GABRG1: variants seen among roughly 807,000 people sequenced by gnomAD.
GABRG1 encodes the protein gamma-aminobutyric acid type A receptor subunit gamma1.
In GABRG1, 49 loss-of-function variants were observed where a neutral mutation model predicts 49.8. That is an observed-to-expected ratio of 0.98 (90% confidence interval 0.78 to 1.25). The LOEUF is 1.25. GABRG1 is among the 50% of genes most tolerant of loss of function. The pLI is 0.00. For synonymous variants in GABRG1, 232 were observed against 185.1 expected, an observed-to-expected ratio of 1.25 and a Z score of -2.06; for missense variants, 552 against 552.3, an observed-to-expected ratio of 1.00 and a Z score of 0.01.
chr4:46,114,481 C>CTTAA (rs1223607075), intron 1 of GABRG1, among the ~76,000 whole-genome samples: 1 of 150,800 alleles, frequency 6.6e-6, no homozygotes, highest in African/African-American at 2.4e-5. Flanking sequence ...CATACTGTAT[C>CTTAA]TTAATTAATT....
chr4:46,045,625 G>A (rs1342021941), intron 8 of GABRG1, among the ~76,000 whole-genome samples: 2 of 151,734 alleles, frequency 1.3e-5, no homozygotes, highest in African/African-American at 4.8e-5. Context: ...AGTTTTATCT[G>A]CAAAGAATGA....
intron 1 of GABRG1, among the ~76,000 whole-genome samples, chr4:46,116,782 AAT>A (rs1720907560): frequency 6.6e-6 from 1 of 150,854 alleles, no homozygotes; most frequent in Non-Finnish European, 1.5e-5. Context: ...TCCAGAGACA[AAT>A]ATACATTCAT....
chr4:46,062,843 CA>C (rs1718755334), intron 5 of GABRG1, among the ~76,000 whole-genome samples: 1 of 152,008 alleles, frequency 6.6e-6, no homozygotes, highest in Admixed American at 6.6e-5. Context: ...AATCAATGTA[CA>C]AAAATCACAA....
rs561832169 is a variant in GABRG1, at chr4:46,051,865, C to T, written c.917-227G>A. ...AATTACTGCGGAGTGCAAGTTGACT[C>T]CTGATATCCATTCTTCCCTTCCTCC... is the stretch of plus-strand genomic sequence containing the variant. On this transcript the variant is annotated intron_variant, in intron 7 of 8. Transcript: ENST00000295452. Among the ~76,000 whole-genome samples the T allele has an allele frequency of 2.0e-5, 3 of 151,870 alleles. No homozygotes were observed. The South Asian group carries it at 6.2e-4, about 32-fold the overall frequency.
rs138533836 is a variant in GABRG1 at position 46,121,821 on chromosome 4, C to G, written c.104+1989G>C. On this transcript the variant is annotated intron_variant, in intron 1 of 8. Transcript: ENST00000295452. ...ATATTTATTCACTGGACAAAATAAT[C>G]CAGGTTATCTACATTACTATGACAA... Among the ~76,000 whole-genome samples, 1,164 of 152,064 alleles carry G rather than the reference C, an allele frequency of 7.7e-3. 6 individuals are homozygous for G. The highest frequency in any genetic ancestry group is 0.031 in the Middle Eastern group (9 of 294).
intron 5 of GABRG1, among the ~76,000 whole-genome samples, chr4:46,061,427 CA>C (rs1413350647): frequency 2.0e-5 from 3 of 151,996 alleles, no homozygotes; most frequent in Non-Finnish European, 4.4e-5. Context: ...TACACTCTAC[CA>C]AATTCTAGAA....
In GABRG1 at chr4:46,059,807, G is replaced by A. The variant is rs74894656; in HGVS notation, c.626-1185C>T. Among the ~76,000 whole-genome samples the A allele has an allele frequency of 6.4e-3, 970 of 152,018 alleles. 14 individuals are homozygous for A. Among genetic ancestry groups the A allele is most frequent in the African/African-American group, 0.022 (904 of 41,458 alleles). On this transcript the variant is annotated intron_variant, in intron 5 of 8. Coordinates refer to ENST00000295452, the MANE Select transcript of GABRG1 (RefSeq NM_173536.4). ...AATGCAGTCTTCTTCATTTTTACTC[G>A]TCCATGAAGTGTATTTTATTTCACA...
rs575863813 is a variant in GABRG1 at position 46,115,276 on chromosome 4, T to G, written c.104+8534A>C. On this transcript the variant is annotated intron_variant, in intron 1 of 8. Transcript: ENST00000295452. ...TAAGCTTTCAAAATAAGATCCCAAA[T>G]ATATAGATGTATCCCAAAAATACAA... Among the ~76,000 whole-genome samples, 5 of 150,642 alleles carry G rather than the reference T, an allele frequency of 3.3e-5. No homozygotes were observed. In the South Asian group the frequency reaches 1.0e-3, roughly 31 times the overall value.
In GABRG1 at chr4:46,100,390, G is replaced by A. The variant is rs1273190081; in HGVS notation, c.105-3041C>T. ...AATGGAGACTAGGCTTAATACCTGG[G>A]AGATGAAATAAGCTGTAAAACAAGC... On this transcript the variant is annotated intron_variant, in intron 1 of 8. Transcript: ENST00000295452. Among the ~76,000 whole-genome samples the A allele has an allele frequency of 2.0e-5, 3 of 151,316 alleles. No homozygotes were observed. In the East Asian group the frequency reaches 5.9e-4, roughly 30 times the overall value.
chr4:46,114,840 A>G (rs890213989), intron 1 of GABRG1, among the ~76,000 whole-genome samples: 2 of 151,032 alleles, frequency 1.3e-5, no homozygotes, highest in African/African-American at 4.8e-5. Context: ...AAAAATAAAA[A>G]CAGAAGAAAA....
At chr4:46,077,575 T>C (rs1053901370) in intron 3 of GABRG1, among the ~76,000 whole-genome samples, 4 of 151,990 alleles carry the variant, frequency 2.6e-5, no homozygotes, top group Admixed American at 6.6e-5. Flanking sequence ...AAAATAGCAT[T>C]AGGATCACCA....
At chr4:46,087,602 C>T (rs55997646) in intron 2 of GABRG1, among the ~76,000 whole-genome samples, 9 of 151,650 alleles carry the variant, frequency 5.9e-5, no homozygotes, top group Admixed American at 2.6e-4. Context: ...AATAAAATAT[C>T]GATCTAGTTA....
At chr4:46,093,146 T>G (rs528113385) in intron 2 of GABRG1, among the ~76,000 whole-genome samples, 1 of 151,548 alleles carries the variant, frequency 6.6e-6, no homozygotes, top group East Asian at 1.9e-4. Context: ...AAATTAAATG[T>G]TATAGCAAAA....
At chr4:46,077,161 G>A (rs1270474901) in intron 3 of GABRG1, among the ~76,000 whole-genome samples, 1 of 139,648 alleles carries the variant, frequency 7.2e-6, no homozygotes, top group African/African-American at 2.6e-5. Context: ...GGGGTAGGGG[G>A]AGGGGGGAGG....
intron 1 of GABRG1, among the ~76,000 whole-genome samples, chr4:46,109,265 G>A (rs2109439493): frequency 6.6e-6 from 1 of 150,872 alleles, no homozygotes; most frequent in Middle Eastern, 3.4e-3. Context: ...TGTGTTTCCA[G>A]GAATTTATGC....
intron 1 of GABRG1, among the ~76,000 whole-genome samples, chr4:46,098,510 T>C (rs1044025402): frequency 6.6e-6 from 1 of 151,774 alleles, no homozygotes; most frequent in Non-Finnish European, 1.5e-5. Flanking sequence ...TCAGACCTCT[T>C]TTGCTTTGAA....
intron 3 of GABRG1, among the ~76,000 whole-genome samples, chr4:46,079,015 A>C (rs1719462990): frequency 6.6e-6 from 1 of 151,906 alleles, no homozygotes; most frequent in Non-Finnish European, 1.5e-5. Flanking sequence ...TACATTCTAT[A>C]ATAAATAATG....
chr4:46,037,207 C>T lies in GABRG1; in HGVS notation c.*3781G>A, dbSNP rs1342456743. Reference sequence around the variant, plus strand: ...TGTATTTAGAACAGTACTTTGTACACAGAAAGTGCTGCATATATATTTGAA... The same window carrying T: ...TGTATTTAGAACAGTACTTTGTACATAGAAAGTGCTGCATATATATTTGAA... On this transcript the variant is annotated 3_prime_UTR_variant, in exon 9 of 9. Coordinates refer to ENST00000295452, the MANE Select transcript of GABRG1 (RefSeq NM_173536.4). 6.6e-6 allele frequency: 1 copy of T among 151,760 alleles called. No individual in the cohort carries two copies. Among genetic ancestry groups the T allele is most frequent in the Non-Finnish European group, 1.5e-5 (1 of 67,844 alleles). 9.4% of individuals were successfully genotyped at this position (151,760 alleles called of 1,614,324 possible). A position where few individuals can be genotyped will look rare whatever the true frequency, so the allele number is the denominator to read the frequency against.
At chr4:46,104,642 T>C (rs1720478884) in intron 1 of GABRG1, among the ~76,000 whole-genome samples, 1 of 151,560 alleles carries the variant, frequency 6.6e-6, no homozygotes, top group South Asian at 2.1e-4. Flanking sequence ...TTATATGTAT[T>C]GGTTATTTTG....
Sources: gnomAD v4.1 joint callset for allele counts (sites outside exome capture counted in the v4.1 genomes callset) on GRCh38, gnomAD v4.1.1 for gene constraint, MANE v1.5 for transcripts, NCBI Gene and HGNC (gene_info 2026-07-23, HGNC 2026-07-21) for gene names.